The following ARFGAP2 variants were observed in gnomAD, a reference collection of about 807,000 sequenced individuals.
ARFGAP2 encodes ADP-ribosylation factor GTPase-activating protein 2.
A neutral mutation model predicts 71.9 loss-of-function variants in ARFGAP2; 45 were observed. The observed-to-expected ratio is 0.63, with a 90% CI of 0.49 to 0.80. The LOEUF (loss-of-function observed/expected upper bound fraction) is 0.80. ARFGAP2 is among the 30% of genes least tolerant of loss of function. The pLI is 0.00. For missense variants in ARFGAP2, 633 were observed against 673.9 expected (o/e 0.94, Z 0.67); for synonymous variants, 248 against 249.2 (o/e 1.00, Z 0.05).
chr11:47,173,358 C>A lies in ARFGAP2; in HGVS notation c.619+68G>T, dbSNP rs760049845. ...CTGTCCACACGGCCAGGCAGTAGGACCTCTGAAAAGAACATTTGAGGTCCA... is the reference window on the plus strand; with the variant it reads ...CTGTCCACACGGCCAGGCAGTAGGAACTCTGAAAAGAACATTTGAGGTCCA... On this transcript the variant is annotated intron_variant, in intron 7 of 15. Coordinates refer to ENST00000524782, the MANE Select transcript of ARFGAP2 (RefSeq NM_032389.6). The A allele has an allele frequency of 9.2e-6, 14 of 1,529,172 alleles. No homozygotes were observed. The Middle Eastern group carries it at 8.4e-4, about 92-fold the overall frequency. The allele number at this position is 1,529,172 out of a possible 1,614,324, so 94.7% of individuals were successfully genotyped here. A position where few individuals can be genotyped will look rare whatever the true frequency, so the allele number is the denominator to read the frequency against.
intron 2 of ARFGAP2, 27 bp from the exon 3 acceptor site, chr11:47,175,950 A>T (rs1565133530): frequency 1.9e-6 from 3 of 1,611,946 alleles, no homozygotes; most frequent in Non-Finnish European, 2.5e-6. Flanking sequence ...CGTCTCACCC[A>T]CTAGCAGATA....
chr11:47,175,396 T>C lies in ARFGAP2; in HGVS notation c.265-83A>G, dbSNP rs763328139. ...GTTGGCTGTAGGAGACATCTCCTTA[T>C]GACAGCGAAGTTATTATCTATACAG... On this transcript the variant is annotated intron_variant, in intron 3 of 15. Coordinates refer to ENST00000524782, the MANE Select transcript of ARFGAP2 (RefSeq NM_032389.6). 3.1e-6 allele frequency: 5 copies of C among 1,593,390 alleles called. No individual in the cohort carries two copies. In the South Asian group the frequency reaches 3.3e-5, roughly 11 times the overall value.
chr11:47,165,104 A>G lies in ARFGAP2; in HGVS notation c.*378T>C. 4.4e-6 allele frequency: 1 copy of G among 228,690 alleles called. No individual in the cohort carries two copies. The allele number at this position is 228,690 out of a possible 1,614,324, so 14.2% of individuals were successfully genotyped here. A position where few individuals can be genotyped will look rare whatever the true frequency, so the allele number is the denominator to read the frequency against. On this transcript the variant is annotated 3_prime_UTR_variant, in exon 16 of 16. Coordinates refer to ENST00000524782, the MANE Select transcript of ARFGAP2 (RefSeq NM_032389.6). The stretch of plus-strand genomic sequence containing the variant: ...GAACTAGAAGAACCCTAGAGCCAGC[A>G]AAAAAAGCCTTCTACCTTCCGCTTT...
At position 47,166,325 on chromosome 11, in the gene ARFGAP2, G is replaced by A. The variant is rs1289307984; in HGVS notation, c.1488C>T (p.Val496=). ...TADIAQFKQG[V]KSVAGKMAVL... ...CAGCCATTTTCCCAGCCACAGACTT[G>A]ACACCCTGCTTAAACTGGGCAATGT... The change falls in exon 15 of 16, where the codon GTC becomes GTT. Residue 496 remains valine (V), a synonymous_variant. Coordinates refer to ENST00000524782, the MANE Select transcript of ARFGAP2 (RefSeq NM_032389.6). 6.2e-7 allele frequency: 1 copy of A among 1,614,088 alleles called. No homozygotes were observed. The highest frequency in any genetic ancestry group is 1.3e-5 in the African/African-American group (1 of 74,930).
intron 3 of ARFGAP2, 139 bp from the exon 4 acceptor site, chr11:47,175,452 AG>A: frequency 7.3e-7 from 1 of 1,361,778 alleles, no homozygotes; most frequent in Non-Finnish European, 1.0e-6. Context: ...CCGGTTTTTC[AG>A]AGATAAAGTT....
At chr11:47,172,232 C>T in intron 8 of ARFGAP2, 49 bp downstream of exon 8, 2 of 1,585,842 alleles carry the variant, frequency 1.3e-6, no homozygotes, top group South Asian at 2.2e-5. Context: ...ACCCAGGTAG[C>T]CTGCACCCAG....
Position 47,165,314 on chromosome 11 carries a change from G to T in ARFGAP2, c.*168C>A. The T allele has an allele frequency of 1.3e-6, 1 of 749,330 alleles. No individual in the cohort carries two copies. Among genetic ancestry groups the T allele is most frequent in the South Asian group, 2.4e-5 (1 of 42,282 alleles). The allele number at this position is 749,330 out of a possible 1,614,324, so 46.4% of individuals were successfully genotyped here. ...CAGGCAGAGGACAAGGGCTGGTACT[G>T]ACCATTCCCCTCACAGGAGTGAGCG... On this transcript the variant is annotated 3_prime_UTR_variant, in exon 16 of 16. Coordinates refer to ENST00000524782, the MANE Select transcript of ARFGAP2 (RefSeq NM_032389.6).
At chr11:47,169,280 C>T (rs1952505930) in intron 10 of ARFGAP2, 1 of 151,840 alleles carries the variant, frequency 6.6e-6, no homozygotes, top group Admixed American at 6.6e-5. Flanking sequence ...CACCACTGCA[C>T]TCCAGTCTGG....
At position 47,164,576 on chromosome 11, in the gene ARFGAP2, G is replaced by C. The variant is rs1464141800; in HGVS notation, c.*906C>G. The C allele has an allele frequency of 2.1e-5, 4 of 191,638 alleles. No individual in the cohort carries two copies. The South Asian group carries it at 4.2e-4, about 20-fold the overall frequency. 11.9% of individuals were successfully genotyped at this position (191,638 alleles called of 1,614,324 possible). On this transcript the variant is annotated 3_prime_UTR_variant, in exon 16 of 16. Transcript: ENST00000524782. ...AGCTCTCACTGGCGGGTGCTGTCCA[G>C]GCCAAGCCCAGAATGATGCAGAGGA...
At position 47,166,322 on chromosome 11, in the gene ARFGAP2, C is replaced by A. The variant is rs762488745; in HGVS notation, c.1491G>T (p.Lys497Asn). The A allele has an allele frequency of 6.8e-6, 11 of 1,614,278 alleles. No homozygotes were observed. The highest frequency in any genetic ancestry group is 9.3e-6 in the Non-Finnish European group (11 of 1,180,060). Reference protein sequence around the residue: ...ADIAQFKQGVKSVAGKMAVLA... With the variant: ...ADIAQFKQGVNSVAGKMAVLA... ...GCACAGCCATTTTCCCAGCCACAGA[C>A]TTGACACCCTGCTTAAACTGGGCAA... The change falls in exon 15 of 16, where the codon AAG (lysine) becomes AAT (asparagine). Residue 497 changes from lysine (K) to asparagine (N), a missense_variant. Lys to Asn is a moderately conservative substitution (Grantham distance 94). Transcript: ENST00000524782.
At chr11:47,167,479 G>T (rs748833772) in intron 12 of ARFGAP2, among the ~76,000 whole-genome samples, 2 of 152,066 alleles carry the variant, frequency 1.3e-5, no homozygotes, top group African/African-American at 4.8e-5. Context: ...GATGGAGTAG[G>T]GTTTTAAAAA....
chr11:47,168,313 G>C, intron 10 of ARFGAP2, 62 bp from the exon 11 acceptor site: 1 of 1,603,298 alleles, frequency 6.2e-7, no homozygotes, highest in Non-Finnish European at 8.5e-7. Context: ...CACCGCACAA[G>C]AGACAATGCC....
At chr11:47,168,791 A>T (rs559429311) in intron 10 of ARFGAP2, among the ~76,000 whole-genome samples, 18 of 152,192 alleles carry the variant, frequency 1.2e-4, no homozygotes, top group African/African-American at 3.9e-4. Context: ...CAAAAGTGCC[A>T]GGATTATAGG....
intron 12 of ARFGAP2, among the ~76,000 whole-genome samples, chr11:47,167,629 C>T (rs773224807): frequency 2.6e-5 from 4 of 152,174 alleles, no homozygotes; most frequent in Non-Finnish European, 5.9e-5. Flanking sequence ...ACAACTCAAA[C>T]CGAAGCCTGA....
chr11:47,176,665 A>C (rs1590966064), intron 1 of ARFGAP2, 31 bp from the exon 2 acceptor site: 1 of 1,612,812 alleles, frequency 6.2e-7, no homozygotes, highest in Non-Finnish European at 8.5e-7. Flanking sequence ...GCGAATCGTC[A>C]GGGGCCCCGA....
At position 47,166,851 on chromosome 11, in the gene ARFGAP2, G is replaced by A; in HGVS notation, c.1241C>T (p.Ser414Leu). ...TNRREVESRS[S>L]GLESSEARQK... ...ACGCGCCTCACTAGACTCGAGGCCT[G>A]AGCTCCGGCTCTCCACTTCCCTCCG... The change falls in exon 13 of 16, where the codon TCA becomes TTA. Residue 414 changes from serine to leucine, a missense_variant. Physicochemically the swap from Ser to Leu is moderately radical, Grantham distance 145. Transcript: ENST00000524782. 1 of 1,614,020 alleles carries A rather than the reference G, an allele frequency of 6.2e-7. No individual in the cohort carries two copies. Among genetic ancestry groups the A allele is most frequent in the South Asian group, 1.1e-5 (1 of 91,080 alleles).
chr11:47,165,879 T>G (rs1317679237), intron 15 of ARFGAP2, among the ~76,000 whole-genome samples: 1 of 147,944 alleles, frequency 6.8e-6, no homozygotes, highest in Non-Finnish European at 1.5e-5. Context: ...TCGTTTGTGG[T>G]TTTTTTTTTG....
At chr11:47,167,063 T>C (rs1952414853) in intron 12 of ARFGAP2, among the ~76,000 whole-genome samples, 177 bp from the exon 13 acceptor site, 1 of 152,144 alleles carries the variant, frequency 6.6e-6, no homozygotes, top group Non-Finnish European at 1.5e-5. Flanking sequence ...CTTCTCCACA[T>C]TGAGGCCAAG....
In ARFGAP2 at chr11:47,175,874, G is replaced by C; in HGVS notation, c.241C>G (p.Gln81Glu). ...NWNWFQLRCM[Q>E]VGGNANATAF... ...ACCGCATTGGCATTCCCGCCGACCT[G>C]CATACACCTCAGCTGGAACCAGTTC... Residue 81 changes from glutamine to glutamate, a missense_variant, in exon 3 of 16, where the codon CAG (glutamine) becomes GAG (glutamate). Gln to Glu is a conservative substitution (Grantham distance 29). Coordinates refer to ENST00000524782, the MANE Select transcript of ARFGAP2 (RefSeq NM_032389.6). The C allele has an allele frequency of 1.2e-6, 2 of 1,614,168 alleles. No individual in the cohort carries two copies. The highest frequency in any genetic ancestry group is 1.7e-6 in the Non-Finnish European group (2 of 1,180,020).
Sources: gnomAD v4.1 joint callset for allele counts (sites outside exome capture counted in the v4.1 genomes callset) on GRCh38, gnomAD v4.1.1 for gene constraint, MANE v1.5 for transcripts, NCBI Gene and HGNC (gene_info 2026-07-23, HGNC 2026-07-21) for gene names.